DOCK10: variants seen among roughly 807,000 people sequenced by gnomAD.
DOCK10 encodes dedicator of cytokinesis 10, also known as dedicator of cytokinesis protein 10.
DOCK10 carries 145 observed loss-of-function variants against 280.1 expected under a neutral mutation model. The observed-to-expected ratio is 0.52, with a 90% CI of 0.45 to 0.59. The LOEUF is 0.59. DOCK10 is among the 20% of genes least tolerant of loss of function. The probability of loss-of-function intolerance (pLI) is 0.00; values close to 1 mark genes in which losing one functional copy is unlikely to be tolerated. For missense variants in DOCK10, 2,368 were observed against 2,651.7 expected (o/e 0.89, Z 2.35); for synonymous variants, 915 against 942.2 (o/e 0.97, Z 0.53).
At chr2:224,966,921 T>C (rs577346945) in intron 1 of DOCK10, among the ~76,000 whole-genome samples, 5 of 151,512 alleles carry the variant, frequency 3.3e-5, no homozygotes, top group Non-Finnish European at 7.4e-5. Flanking sequence ...GAGGCTCACA[T>C]TTCATGGTAT....
chr2:224,787,439 G>A lies in DOCK10; in HGVS notation c.5419-42C>T, dbSNP rs201062020. On this transcript the variant is annotated intron_variant, in intron 48 of 55. Transcript: ENST00000258390. ...CAAAATAAGATTTTACATGATTAGG[G>A]TTGTGGCTCATGCCTGAAACTTGGT... The A allele has an allele frequency of 2.1e-4, 338 of 1,606,458 alleles. 3 individuals carry two copies. The African/African-American group carries it at 4.1e-3, about 20-fold the overall frequency.
rs1690456634 is a variant in DOCK10 at position 225,042,269 on chromosome 2, T to C, written c.106A>G (p.Ser36Gly). The change falls in exon 1 of 56, where the codon AGC becomes GGC. Residue 36 changes from serine (S) to glycine (G), a missense_variant. Physicochemically the swap from Ser to Gly is moderately conservative, Grantham distance 56. This residue lies in a region of DOCK10 where 1,209 missense variants were observed against 1,250.9 expected (regional missense o/e 0.97). Transcript: ENST00000258390. The surrounding 1 kb of genome is among the most constrained non-coding windows in gnomAD (Gnocchi z 5.1). ...AASAAAVAVS[S>G]RQQQRQEKPR... ...GCACTCACCCGCTGCTGCTGCCGGC[T>C]GCTGACTGCCACCGCGGCGGCGGAC... 1.5e-6 allele frequency: 2 copies of C among 1,324,786 alleles called. No individual in the cohort carries two copies. The highest frequency in any genetic ancestry group is 2.0e-5 in the South Asian group (1 of 49,230). The allele number at this position is 1,324,786 out of a possible 1,614,324, so 82.1% of individuals were successfully genotyped here. A position where few individuals can be genotyped will look rare whatever the true frequency, so the allele number is the denominator to read the frequency against.
At position 224,982,225 on chromosome 2, in the gene DOCK10, G is replaced by A. The variant is rs1015301567; in HGVS notation, c.124-50557C>T. 1.7e-5 allele frequency: 21 copies of A among 1,231,696 alleles called. No homozygotes were observed. The South Asian group carries it at 3.3e-4, about 19-fold the overall frequency. The allele number at this position is 1,231,696 out of a possible 1,614,324, so 76.3% of individuals were successfully genotyped here. A position where few individuals can be genotyped will look rare whatever the true frequency, so the allele number is the denominator to read the frequency against. ...ACCATACCATTATGATGAGGGTTCT[G>A]GGTCTATTCATTTCATCGTCACTTT... On this transcript the variant is annotated intron_variant, in intron 1 of 55. Transcript: ENST00000258390.
intron 53 of DOCK10, among the ~76,000 whole-genome samples, chr2:224,771,139 G>A (rs963218804): frequency 1.3e-5 from 2 of 151,858 alleles, no homozygotes; most frequent in East Asian, 1.9e-4. Flanking sequence ...GAAGGGGGGC[G>A]GTCTCACTAC....
chr2:224,927,523 G>C (rs1041456357), intron 2 of DOCK10, among the ~76,000 whole-genome samples: 1 of 152,186 alleles, frequency 6.6e-6, no homozygotes, highest in Non-Finnish European at 1.5e-5. Flanking sequence ...TGGGACAGCA[G>C]AGTGAATAGA....
At chr2:224,893,941 G>A (rs1185697391) in intron 4 of DOCK10, among the ~76,000 whole-genome samples, 2 of 152,140 alleles carry the variant, frequency 1.3e-5, no homozygotes, top group African/African-American at 4.8e-5. Flanking sequence ...GGAATGCTTA[G>A]CTTTGTAAAA....
intron 1 of DOCK10, among the ~76,000 whole-genome samples, chr2:225,036,625 T>C (rs1280747822): frequency 1.3e-5 from 2 of 152,200 alleles, no homozygotes; most frequent in African/African-American, 4.8e-5. Flanking sequence ...GACAACACTC[T>C]CAATGACGAG....
At chr2:224,811,928 C>T (rs1189438121) in intron 31 of DOCK10, among the ~76,000 whole-genome samples, 7 of 151,960 alleles carry the variant, frequency 4.6e-5, no homozygotes, top group South Asian at 2.1e-4. Flanking sequence ...GTGATGCCTC[C>T]GGCTTTGTTC....
At chr2:224,767,342 T>G (rs1184097107) in intron 55 of DOCK10, among the ~76,000 whole-genome samples, 1 of 152,108 alleles carries the variant, frequency 6.6e-6, no homozygotes, top group Non-Finnish European at 1.5e-5. Flanking sequence ...TTTTGTATTT[T>G]TAGTAGAGAT....
intron 55 of DOCK10, chr2:224,768,804 G>T (rs1270226665): frequency 4.6e-6 from 2 of 430,646 alleles, no homozygotes; most frequent in East Asian, 1.4e-4. Flanking sequence ...AGACTGAATG[G>T]CTAGGAAGAG....
chr2:224,955,402 A>G (rs1424085226), intron 1 of DOCK10, among the ~76,000 whole-genome samples: 1 of 152,230 alleles, frequency 6.6e-6, no homozygotes, highest in Non-Finnish European at 1.5e-5. Context: ...AGCAATTTTG[A>G]GAAGGAAACT....
At chr2:225,024,442 G>T (rs547591910) in intron 1 of DOCK10, among the ~76,000 whole-genome samples, 7 of 152,292 alleles carry the variant, frequency 4.6e-5, no homozygotes, top group African/African-American at 1.7e-4. Flanking sequence ...GAGAGAGAAT[G>T]AATAATTTTT....
At position 224,951,125 on chromosome 2, in the gene DOCK10, A is replaced by G. The variant is rs78609003; in HGVS notation, c.124-19457T>C. Among the ~76,000 whole-genome samples the G allele has an allele frequency of 8.9e-3, 1,363 of 152,370 alleles. 26 individuals are homozygous for G. The highest frequency in any genetic ancestry group is 0.029 in the African/African-American group (1,193 of 41,590). On this transcript the variant is annotated intron_variant, in intron 1 of 55. Coordinates refer to ENST00000258390, the MANE Select transcript of DOCK10 (RefSeq NM_014689.3). ...TTCAGCTGTCTATTAGATAACGTCC[A>G]GCAAGGTATTTGACTTATCTCTGCC...
chr2:224,835,672 A>T (rs1201766618), intron 25 of DOCK10, among the ~76,000 whole-genome samples: 1 of 152,242 alleles, frequency 6.6e-6, no homozygotes, highest in Admixed American at 6.5e-5. Context: ...AGAGAGGCTG[A>T]CTGCTTAAGT....
At chr2:224,800,336 A>C (rs1046305615) in intron 40 of DOCK10, 73 bp from the exon 41 acceptor site, 16 of 804,468 alleles carry the variant, frequency 2.0e-5, no homozygotes, top group Non-Finnish European at 3.1e-5. Context: ...ATTTCCTTTC[A>C]TTACAATATA....
chr2:224,882,809 G>A (rs1699052266), intron 7 of DOCK10, among the ~76,000 whole-genome samples: 1 of 152,132 alleles, frequency 6.6e-6, no homozygotes, highest in South Asian at 2.1e-4. Context: ...CACATTTCAT[G>A]CCTGAGAGCT....
chr2:225,021,770 C>G (rs1258944033), intron 1 of DOCK10, among the ~76,000 whole-genome samples: 1 of 152,158 alleles, frequency 6.6e-6, no homozygotes, highest in African/African-American at 2.4e-5. Context: ...CAAGACATAA[C>G]AATTTGAGTG....
At chr2:225,020,726 A>G (rs1689762436) in intron 1 of DOCK10, among the ~76,000 whole-genome samples, 1 of 152,208 alleles carries the variant, frequency 6.6e-6, no homozygotes, top group South Asian at 2.1e-4. Context: ...AGTTAGAACA[A>G]TCTTCACCTT....
intron 50 of DOCK10, chr2:224,778,496 T>C (rs992659282): frequency 6.6e-6 from 4 of 602,936 alleles, no homozygotes; most frequent in African/African-American, 5.6e-5. Flanking sequence ...AAATATTTCC[T>C]AGCCAGGCCA....
Sources: gnomAD v4.1 joint callset for allele counts (sites outside exome capture counted in the v4.1 genomes callset) on GRCh38, gnomAD v4.1.1 for gene constraint, gnomAD v4.1.1 regional missense constraint, Gnocchi (gnomAD v3.1) non-coding constraint, MANE v1.5 for transcripts, NCBI Gene and HGNC (gene_info 2026-07-23, HGNC 2026-07-21) for gene names.